The following DLGAP1 variants were observed in gnomAD, a reference collection of about 807,000 sequenced individuals.
DLGAP1 encodes the protein DLG associated protein 1, also known as disks large-associated protein 1.
Under a neutral mutation model 90.8 loss-of-function variants are expected in DLGAP1, and 11 were observed. The ratio of observed to expected loss-of-function variants is 0.12; its 90% confidence interval spans 0.08 to 0.20. DLGAP1 has a LOEUF of 0.20. DLGAP1 is among the 10% of genes least tolerant of loss of function. DLGAP1 has a pLI of 1.00. For synonymous variants in DLGAP1, 558 were observed against 540.7 expected, an observed-to-expected ratio of 1.03 and a Z score of -0.44; for missense variants, 1,050 against 1,333.8, an observed-to-expected ratio of 0.79 and a Z score of 3.31.
At chr18:4,003,040 A>G (rs2074227908) in intron 3 of DLGAP1, among the ~76,000 whole-genome samples, 1 of 152,216 alleles carries the variant, frequency 6.6e-6, no homozygotes, top group Admixed American at 6.5e-5. Context: ...GACAGTCACA[A>G]ACATCTCTCC....
At position 4,228,933 on chromosome 18, in the gene DLGAP1, T is replaced by C. The variant is rs545851007; in HGVS notation, c.-266-77646A>G. Among the ~76,000 whole-genome samples the C allele has an allele frequency of 1.8e-4, 27 of 152,058 alleles. No homozygotes were observed. The South Asian group carries it at 1.9e-3, about 11-fold the overall frequency. On this transcript the variant is annotated intron_variant, in intron 1 of 12. Coordinates refer to ENST00000315677, the MANE Select transcript of DLGAP1 (RefSeq NM_004746.4). ...TGTTTGCAAATTATGTAATCTTATATTTGGAAAAACCTAAGGACTCCACAA... is the reference window on the plus strand; with the variant it reads ...TGTTTGCAAATTATGTAATCTTATACTTGGAAAAACCTAAGGACTCCACAA...
chr18:4,381,974 G>C (rs1359864384), intron 1 of DLGAP1, among the ~76,000 whole-genome samples: 1 of 152,104 alleles, frequency 6.6e-6, no homozygotes, highest in East Asian at 1.9e-4. Context: ...AGTGAAAGGA[G>C]AAACTTCTTA....
intron 1 of DLGAP1, among the ~76,000 whole-genome samples, chr18:4,288,066 A>T (rs951737005): frequency 4.8e-4 from 73 of 151,480 alleles, no homozygotes; most frequent in African/African-American, 1.4e-3. Flanking sequence ...AGCTTGACAA[A>T]TTTTTTATTA....
At chr18:4,445,529 T>G (rs1375439919) in intron 1 of DLGAP1, among the ~76,000 whole-genome samples, 1 of 144,254 alleles carries the variant, frequency 6.9e-6, no homozygotes, top group South Asian at 2.2e-4. Context: ...TTCCCACCTA[T>G]GAGTGAGAAT....
At chr18:3,907,744 A>G (rs1216904450) in intron 3 of DLGAP1, among the ~76,000 whole-genome samples, 1 of 152,206 alleles carries the variant, frequency 6.6e-6, no homozygotes, top group African/African-American at 2.4e-5. Flanking sequence ...TTGATCATAT[A>G]GAAGACTCGA....
At chr18:4,237,570 G>C (rs1484277733) in intron 1 of DLGAP1, among the ~76,000 whole-genome samples, 2 of 151,952 alleles carry the variant, frequency 1.3e-5, no homozygotes, top group African/African-American at 4.8e-5. Context: ...CTGACTCTGC[G>C]GCCCTCTCTT....
chr18:3,600,928 A>G (rs2056951194), intron 7 of DLGAP1, among the ~76,000 whole-genome samples: 1 of 77,094 alleles, frequency 1.3e-5, no homozygotes, highest in Non-Finnish European at 3.4e-5. Flanking sequence ...ATAGATATAT[A>G]TAGATATATA....
At chr18:4,416,627 C>T (rs1030416025) in intron 1 of DLGAP1, among the ~76,000 whole-genome samples, 2 of 152,194 alleles carry the variant, frequency 1.3e-5, no homozygotes, top group Non-Finnish European at 1.5e-5. Flanking sequence ...ATCTAACTTT[C>T]TATAAGATCC....
chr18:4,112,942 T>C (rs1189988821), intron 2 of DLGAP1, among the ~76,000 whole-genome samples: 6 of 146,572 alleles, frequency 4.1e-5, no homozygotes, highest in Non-Finnish European at 7.6e-5. Flanking sequence ...CATGATTTTA[T>C]TCTTTTTTTT....
At chr18:3,671,480 TAAGGG>T (rs1262300869) in intron 7 of DLGAP1, among the ~76,000 whole-genome samples, 1 of 152,202 alleles carries the variant, frequency 6.6e-6, no homozygotes, top group African/African-American at 2.4e-5. Context: ...GCTTGTTAAA[TAAGGG>T]AAGGGATTCG....
At chr18:3,862,282 C>T (rs1038250291) in intron 4 of DLGAP1, among the ~76,000 whole-genome samples, 2 of 152,220 alleles carry the variant, frequency 1.3e-5, no homozygotes, top group Admixed American at 6.5e-5. Context: ...TATGATGATG[C>T]ATTGCCAACT....
chr18:4,382,976 G>T (rs933811685), intron 1 of DLGAP1, among the ~76,000 whole-genome samples: 1 of 152,090 alleles, frequency 6.6e-6, no homozygotes, highest in African/African-American at 2.4e-5. Flanking sequence ...TGTATATAGG[G>T]CCAGCCAGTA....
At chr18:4,424,750 T>C (rs2083114417) in intron 1 of DLGAP1, among the ~76,000 whole-genome samples, 1 of 152,104 alleles carries the variant, frequency 6.6e-6, no homozygotes, top group Non-Finnish European at 1.5e-5. Context: ...ACTTATTTCT[T>C]AGTCATGATT....
chr18:3,672,174 TA>T (rs141517073), intron 7 of DLGAP1, among the ~76,000 whole-genome samples: 4,422 of 150,626 alleles, frequency 0.029, 183 homozygotes, highest in East Asian at 0.16. Flanking sequence ...AAAATGTGAT[TA>T]TTACTAATCA....
At chr18:3,562,334 T>A (rs1212953480) in intron 9 of DLGAP1, among the ~76,000 whole-genome samples, 1 of 152,128 alleles carries the variant, frequency 6.6e-6, no homozygotes, top group South Asian at 2.1e-4. Context: ...CCTGGGCAAC[T>A]GATATGGTTT....
At chr18:3,645,345 T>TA (rs1049603197) in intron 7 of DLGAP1, among the ~76,000 whole-genome samples, 139 of 151,074 alleles carry the variant, frequency 9.2e-4, no homozygotes, top group African/African-American at 2.8e-3. Flanking sequence ...TATATATATA[T>TA]TTTTTTAATA....
rs17599264 is a variant in DLGAP1, at chr18:4,214,101, C to T, written c.-266-62814G>A. Among the ~76,000 whole-genome samples the T allele has an allele frequency of 7.2e-3, 1,102 of 152,056 alleles. 12 individuals carry two copies. Among genetic ancestry groups the T allele is most frequent in the Non-Finnish European group, 0.012 (828 of 67,998 alleles). On this transcript the variant is annotated intron_variant, in intron 1 of 12. Transcript: ENST00000315677. ...TCCAAGATGCCGAAACTCATCAAGA[C>T]GGATAAAGGTCAAAAGAGGACTTTG...
chr18:3,654,382 C>T (rs1011708292), intron 7 of DLGAP1, among the ~76,000 whole-genome samples: 3 of 152,144 alleles, frequency 2.0e-5, no homozygotes, highest in Non-Finnish European at 4.4e-5. Context: ...CACTAATAAC[C>T]TCTAGCAAAA....
intron 3 of DLGAP1, among the ~76,000 whole-genome samples, chr18:3,963,358 T>C (rs1157754742): frequency 6.6e-6 from 1 of 152,190 alleles, no homozygotes; most frequent in Non-Finnish European, 1.5e-5. Flanking sequence ...GCACAGTTGC[T>C]GGGCCTTGTG....
Sources: allele counts gnomAD v4.1 joint callset (sites outside exome capture counted in the v4.1 genomes callset), GRCh38; gene constraint gnomAD v4.1.1; transcripts MANE v1.5; gene names NCBI Gene and HGNC (gene_info 2026-07-23, HGNC 2026-07-21).